KIAA1217: variants seen among roughly 807,000 people sequenced by gnomAD.
KIAA1217 encodes KIAA1217.
In KIAA1217, 88 loss-of-function variants were observed where a neutral mutation model predicts 163.9. The ratio of observed to expected loss-of-function variants is 0.54; its 90% CI spans 0.45 to 0.64. KIAA1217 has a LOEUF of 0.64. Among genes scored for constraint, KIAA1217 ranks in the 30% least tolerant of loss-of-function variants. KIAA1217 has a pLI of 0.00. For missense variants in KIAA1217, 2,372 were observed against 2,475.0 expected (o/e 0.96, Z 0.88); for synonymous variants, 903 against 923.1 (o/e 0.98, Z 0.39).
At chr10:24,481,700 C>A (rs1473540588) in intron 6 of KIAA1217, 2 of 152,142 alleles carry the variant, frequency 1.3e-5, no homozygotes, top group Non-Finnish European at 2.9e-5. Context: ...GACAAGCCTG[C>A]CATAATTTGG....
intron 2 of KIAA1217, among the ~76,000 whole-genome samples, chr10:24,322,771 G>T (rs1590955192): frequency 6.6e-6 from 1 of 152,240 alleles, no homozygotes; most frequent in East Asian, 1.9e-4. Context: ...TCCTGAAGAT[G>T]GTGGACACCC....
At chr10:23,851,893 A>T (rs1470398692) in intron 1 of KIAA1217, among the ~76,000 whole-genome samples, 3 of 151,348 alleles carry the variant, frequency 2.0e-5, no homozygotes, top group South Asian at 2.1e-4. Context: ...GTTTGAGTTC[A>T]TTGTAGATTC....
intron 2 of KIAA1217, among the ~76,000 whole-genome samples, chr10:24,122,924 A>G (rs1406129748): frequency 2.0e-5 from 3 of 151,856 alleles, no homozygotes; most frequent in Non-Finnish European, 2.9e-5. Flanking sequence ...ATAAAATAGT[A>G]TAATAGTCAT....
chr10:24,531,278 C>G (rs374009436), intron 14 of KIAA1217, among the ~76,000 whole-genome samples: 26 of 152,252 alleles, frequency 1.7e-4, no homozygotes, highest in African/African-American at 6.0e-4. Flanking sequence ...GTTCTTTGTT[C>G]TCATTTGCAT....
chr10:24,487,131 T>C (rs1005530919), intron 6 of KIAA1217, among the ~76,000 whole-genome samples: 4 of 152,200 alleles, frequency 2.6e-5, no homozygotes, highest in African/African-American at 7.2e-5. Flanking sequence ...TCCTTCTTCT[T>C]CTCCCTCCGG....
rs192991602 is a variant in KIAA1217 at position 23,920,263 on chromosome 10, A to G, written c.-320-86962A>G. Among the ~76,000 whole-genome samples, 63 of 152,288 alleles carry G rather than the reference A, an allele frequency of 4.1e-4. No individual in the cohort carries two copies. The East Asian group carries it at 7.5e-3, about 18-fold the overall frequency. ...ACTAGAAGCCCTTTTGTAGGGTTTC[A>G]TTTGTGACCATGGAGATCCAGCTTC... On this transcript the variant is annotated intron_variant, in intron 1 of 18. Coordinates refer to the KIAA1217 transcript ENST00000376462.
chr10:24,065,056 C>T (rs201561980), intron 2 of KIAA1217, among the ~76,000 whole-genome samples: 5 of 152,040 alleles, frequency 3.3e-5, no homozygotes, highest in Admixed American at 6.6e-5. Flanking sequence ...GTCTGGCTAG[C>T]GGTCTATCAA....
chr10:23,935,162 A>T (rs545042027), intron 1 of KIAA1217, among the ~76,000 whole-genome samples: 1 of 152,298 alleles, frequency 6.6e-6, no homozygotes, highest in African/African-American at 2.4e-5. Context: ...TAAATAAATG[A>T]TTGAAAAGCC....
intron 2 of KIAA1217, among the ~76,000 whole-genome samples, chr10:24,173,429 A>G (rs1367410813): frequency 6.6e-6 from 1 of 152,234 alleles, no homozygotes; most frequent in Non-Finnish European, 1.5e-5. Context: ...TGCATAATGC[A>G]CTTGAATCAT....
At position 23,978,233 on chromosome 10, in the gene KIAA1217, C is replaced by T. The variant is rs529713139; in HGVS notation, c.-320-28992C>T. ...AGAGACTTCCTCCAGATTCTGCAAA[C>T]TCTCCATGTTCTGTCTTTATGCTGG... On this transcript the variant is annotated intron_variant, in intron 1 of 18. Transcript: ENST00000376462. Among the ~76,000 whole-genome samples the T allele has an allele frequency of 2.6e-5, 4 of 152,282 alleles. No homozygotes were observed. In the South Asian group the frequency reaches 8.3e-4, roughly 32 times the overall value.
intron 3 of KIAA1217, among the ~76,000 whole-genome samples, chr10:24,404,170 G>T (rs999494010): frequency 7.9e-5 from 12 of 152,266 alleles, no homozygotes; most frequent in African/African-American, 2.6e-4. Context: ...TGCTACGCAG[G>T]CTGGTCTCGA....
chr10:24,266,401 A>C (rs2076243349), intron 2 of KIAA1217, among the ~76,000 whole-genome samples: 1 of 152,134 alleles, frequency 6.6e-6, no homozygotes, highest in Admixed American at 6.5e-5. Flanking sequence ...ATTTTTTATC[A>C]GTTGTCCAAA....
intron 1 of KIAA1217, among the ~76,000 whole-genome samples, chr10:23,909,861 A>G (rs1361776055): frequency 6.6e-6 from 1 of 152,184 alleles, no homozygotes; most frequent in African/African-American, 2.4e-5. Context: ...TCCTTGAGGA[A>G]TCCCCACACC....
chr10:24,411,060 A>C (rs900261615), intron 3 of KIAA1217, among the ~76,000 whole-genome samples: 2 of 152,236 alleles, frequency 1.3e-5, no homozygotes, highest in African/African-American at 4.8e-5. Flanking sequence ...ACAGACCTGA[A>C]GTCAGCAAAG....
chr10:24,196,400 T>C (rs1035475684), intron 2 of KIAA1217, among the ~76,000 whole-genome samples: 1 of 152,314 alleles, frequency 6.6e-6, no homozygotes, highest in Non-Finnish European at 1.5e-5. Flanking sequence ...TGTTTTCATG[T>C]TTACATTTTT....
At chr10:23,838,010 C>T (rs1352786163) in intron 1 of KIAA1217, among the ~76,000 whole-genome samples, 1 of 152,146 alleles carries the variant, frequency 6.6e-6, no homozygotes, top group East Asian at 1.9e-4. Context: ...ACCCTCTTGT[C>T]CTTTTGTCTT....
chr10:24,214,346 C>A (rs2068538829), intron 1 of KIAA1217, among the ~76,000 whole-genome samples: 1 of 152,110 alleles, frequency 6.6e-6, no homozygotes, highest in Non-Finnish European at 1.5e-5. Context: ...ATTTCTGTGG[C>A]CAGGTGGATT....
At chr10:24,372,038 C>A (rs1476171790) in intron 2 of KIAA1217, among the ~76,000 whole-genome samples, 1 of 152,082 alleles carries the variant, frequency 6.6e-6, no homozygotes, top group African/African-American at 2.4e-5. Context: ...ATAATAGACA[C>A]TGGGGACTCC....
intron 2 of KIAA1217, among the ~76,000 whole-genome samples, chr10:24,339,626 C>T (rs1393387621): frequency 6.6e-6 from 1 of 152,220 alleles, no homozygotes; most frequent in African/African-American, 2.4e-5. Flanking sequence ...CACTTAATTT[C>T]ACAACTCTCT....
Sources: gnomAD v4.1 joint callset for allele counts (sites outside exome capture counted in the v4.1 genomes callset) on GRCh38, gnomAD v4.1.1 for gene constraint, MANE v1.5 for transcripts, NCBI Gene and HGNC (gene_info 2026-07-23, HGNC 2026-07-21) for gene names.